SRPRA: variants seen among roughly 807,000 people sequenced by gnomAD.
SRPRA encodes signal recognition particle receptor subunit alpha.
A neutral mutation model predicts 61.1 loss-of-function variants in SRPRA; 30 were observed. The ratio of observed to expected loss-of-function variants is 0.49; its 90% confidence interval spans 0.37 to 0.67. The LOEUF (loss-of-function observed/expected upper bound fraction) is 0.67. SRPRA is among the 30% of genes least tolerant of loss of function. The pLI, the probability that SRPRA is intolerant of heterozygous loss-of-function variation, is 0.00. For synonymous variants in SRPRA, 324 were observed against 299.7 expected (o/e 1.08, Z -0.84); for missense variants, 759 against 828.4 (o/e 0.92, Z 1.03).
chr11:126,265,072 C>T lies in SRPRA; in HGVS notation c.1412G>A (p.Arg471His), dbSNP rs755273247. ...AVEQLRTHTR[R>H]LSALHPPEKH... ...CTCTGGAGGGTGTAGGGCACTCAAA[C>T]GCCGGGTGTGTGTACGCAGCTGCTC... The change falls in exon 11 of 14, where the codon CGT becomes CAT. Residue 471 changes from arginine to histidine, a missense_variant. Arg to His is a conservative substitution (Grantham distance 29). This residue lies in a region of SRPRA where 284 missense variants were observed against 365.9 expected (regional missense o/e 0.78). Coordinates refer to ENST00000332118, the MANE Select transcript of SRPRA (RefSeq NM_003139.4). The surrounding 1 kb of genome is among the most constrained non-coding windows in gnomAD (Gnocchi z 6.3). The T allele has an allele frequency of 9.9e-6, 16 of 1,614,054 alleles. No homozygotes were observed. Among genetic ancestry groups the T allele is most frequent in the Admixed American group, 3.3e-5 (2 of 60,006 alleles).
chr11:126,251,785 T>C, the SRPRA span, among the ~76,000 whole-genome samples: 10 of 150,942 alleles, frequency 6.6e-5, 1 homozygote, highest in South Asian at 1.9e-3. Context: ...TGGGTTCAAG[T>C]GATTCTCCTG....
rs373222205 is a variant in SRPRA, at chr11:126,268,713, G to T, written c.92C>A (p.Ala31Glu). Residue 31 changes from alanine (A) to glutamate (E), a missense_variant, in exon 1 of 14, where the codon GCG becomes GAG. This residue lies in a region of SRPRA where 475 missense variants were observed against 462.5 expected (regional missense o/e 1.03). Transcript: ENST00000332118. Reference sequence around the variant, plus strand: ...CTGCAGCAGCACGGAACGAATCAACGCGTTAACGGGTCCGGTGCATGAGTC... The same window carrying T: ...CTGCAGCAGCACGGAACGAATCAACTCGTTAACGGGTCCGGTGCATGAGTC... The part of the protein sequence containing the change: ...VSDSCTGPVN[A>E]LIRSVLLQER... 3.7e-6 allele frequency: 6 copies of T among 1,613,692 alleles called. No individual in the cohort carries two copies. The African/African-American group carries it at 8.0e-5, about 22-fold the overall frequency.
Position 126,264,859 on chromosome 11 carries a change from G to GA in SRPRA, c.1525+99dup. The GA allele has an allele frequency of 1.7e-6, 2 of 1,144,980 alleles. No homozygotes were observed. The highest frequency in any genetic ancestry group is 2.4e-6 in the Non-Finnish European group (2 of 822,390). 70.9% of individuals were successfully genotyped at this position (1,144,980 alleles called of 1,614,324 possible). A position where few individuals can be genotyped will look rare whatever the true frequency, so the allele number is the denominator to read the frequency against. On this transcript the variant is annotated intron_variant, in intron 11 of 13. Transcript: ENST00000332118. The surrounding 1 kb of genome is among the most constrained non-coding windows in gnomAD (Gnocchi z 5.0). The stretch of plus-strand genomic sequence containing the variant: ...TGACTTTTTACTGTAATTGACCAAC[G>GA]AGTCTGTAGTAGCACAAGCCTGATC...
At chr11:126,262,239 A>C, downstream of SRPRA, 2 of 1,287,968 alleles carry the variant, frequency 1.6e-6, no homozygotes, top group Non-Finnish European at 2.2e-6. Flanking sequence ...CCAGAAAGTA[A>C]CAATAGCCAG....
chr11:126,253,687 T>C, the SRPRA span, among the ~76,000 whole-genome samples: 1 of 152,184 alleles, frequency 6.6e-6, no homozygotes, highest in East Asian at 1.9e-4. The surrounding 1 kb of genome is among the most constrained non-coding windows in gnomAD (Gnocchi z 5.1). Flanking sequence ...CCTGCAGACA[T>C]CTGATGGCCG....
chr11:126,243,944 A>G, the SRPRA span, among the ~76,000 whole-genome samples: 1 of 152,034 alleles, frequency 6.6e-6, no homozygotes, highest in African/African-American at 2.4e-5. Context: ...ATAATGCATC[A>G]TATCAATAGG....
chr11:126,264,071 C>T lies in SRPRA; in HGVS notation c.1789-27G>A. ...TAAGTGGAGAAAGAGGACAGCCCAT[C>T]AACACAAGCCCACTTTTCACTCACC... On this transcript the variant is annotated intron_variant, in intron 13 of 13. Transcript: ENST00000332118. This position sits in a 1 kb window ranked among gnomAD's most constrained non-coding sequence, Gnocchi z 5.0. The T allele has an allele frequency of 1.9e-6, 3 of 1,613,848 alleles. No homozygotes were observed. The highest frequency in any genetic ancestry group is 2.5e-6 in the Non-Finnish European group (3 of 1,179,836).
chr11:126,248,902 A>G, the SRPRA span, among the ~76,000 whole-genome samples: 1 of 152,200 alleles, frequency 6.6e-6, no homozygotes. Flanking sequence ...ATTACATCAC[A>G]TTACATAGTT....
the SRPRA span, among the ~76,000 whole-genome samples, chr11:126,236,700 C>G: frequency 6.6e-6 from 1 of 151,002 alleles, no homozygotes; most frequent in African/African-American, 2.4e-5. Flanking sequence ...TTTTAAAACT[C>G]TTGTTATTCA....
chr11:126,248,662 G>A, the SRPRA span, among the ~76,000 whole-genome samples: 4 of 152,076 alleles, frequency 2.6e-5, no homozygotes, highest in African/African-American at 9.7e-5. Context: ...GAGCCAGCAC[G>A]CCCGGCCCAG....
the SRPRA span, among the ~76,000 whole-genome samples, chr11:126,247,360 C>T: frequency 6.6e-6 from 1 of 152,194 alleles, no homozygotes; most frequent in Non-Finnish European, 1.5e-5. Context: ...TATTTCCTTC[C>T]TATGTTGATA....
At chr11:126,240,822 G>A in the SRPRA span, 2 of 1,608,462 alleles carry the variant, frequency 1.2e-6, no homozygotes, top group Admixed American at 3.4e-5. Context: ...AAACTAAGAA[G>A]CCTCGAGAAC....
chr11:126,240,944 A>G, the SRPRA span: 2 of 1,614,014 alleles, frequency 1.2e-6, no homozygotes, highest in Non-Finnish European at 1.7e-6. Flanking sequence ...ATTGATTTTG[A>G]TCTTTTAGAA....
At chr11:126,240,690 C>A in the SRPRA span, 2 of 1,233,626 alleles carry the variant, frequency 1.6e-6, no homozygotes, top group Non-Finnish European at 2.2e-6. Context: ...TTCTTTGCAA[C>A]TATAAAAGTT....
At chr11:126,262,313 C>T, downstream of SRPRA, 3 of 497,494 alleles carry the variant, frequency 6.0e-6, no homozygotes, top group African/African-American at 2.0e-5. Context: ...CCACCTGGTT[C>T]TTGATATTCT....
rs925557535 is a variant in SRPRA, at chr11:126,265,496, A to C, written c.1139-56T>G. 2.6e-5 allele frequency: 41 copies of C among 1,569,286 alleles called. No homozygotes were observed. The highest frequency in any genetic ancestry group is 3.5e-6 in the Non-Finnish European group (4 of 1,155,626). ...GTGAAACTCAAGGAATGCTCTCAAA[A>C]ATGCCTAACACCTTTCTGAGCTAAG... On this transcript the variant is annotated intron_variant, in intron 9 of 13. Transcript: ENST00000332118. This position sits in a 1 kb window ranked among gnomAD's most constrained non-coding sequence, Gnocchi z 6.3.
chr11:126,240,826 C>G, the SRPRA span: 2 of 1,610,524 alleles, frequency 1.2e-6, no homozygotes, highest in Non-Finnish European at 1.7e-6. Context: ...TAAGAAGCCT[C>G]GAGAACTTGT....
the SRPRA span, among the ~76,000 whole-genome samples, chr11:126,246,405 C>T: frequency 6.6e-6 from 1 of 152,272 alleles, no homozygotes; most frequent in East Asian, 1.9e-4. Context: ...TCAGACTCTG[C>T]CACTTAAATG....
chr11:126,251,202 C>T, the SRPRA span, among the ~76,000 whole-genome samples: 3 of 152,194 alleles, frequency 2.0e-5, no homozygotes, highest in African/African-American at 7.2e-5. Context: ...TTTGTTTTAG[C>T]ATAGTCTATA....
Sources: gnomAD v4.1 joint callset for allele counts (sites outside exome capture counted in the v4.1 genomes callset) on GRCh38, gnomAD v4.1.1 for gene constraint, gnomAD v4.1.1 regional missense constraint, Gnocchi (gnomAD v3.1) non-coding constraint, MANE v1.5 for transcripts, NCBI Gene and HGNC (gene_info 2026-07-23, HGNC 2026-07-21) for gene names.